The following WIPF3 variants were observed in gnomAD, a reference collection of about 807,000 sequenced individuals.
WIPF3 encodes the protein WAS/WASL interacting protein family member 3.
A neutral mutation model predicts 38.9 loss-of-function variants in WIPF3; 33 were observed. The observed-to-expected ratio is 0.85, with a 90% CI of 0.64 to 1.14. The LOEUF (loss-of-function observed/expected upper bound fraction) is 1.14. WIPF3 is among the 50% of genes most tolerant of loss of function. The pLI is 0.00. For synonymous variants in WIPF3, 324 were observed against 269.3 expected, an observed-to-expected ratio of 1.20 and a Z score of -1.99; for missense variants, 711 against 652.5, an observed-to-expected ratio of 1.09 and a Z score of -0.98.
At chr7:29,808,291 G>T (rs1460440201) in intron 1 of WIPF3, among the ~76,000 whole-genome samples, 1 of 152,226 alleles carries the variant, frequency 6.6e-6, no homozygotes, top group Non-Finnish European at 1.5e-5. Flanking sequence ...AAGAAGTGGC[G>T]AGGAGGGGCA....
intron 7 of WIPF3, among the ~76,000 whole-genome samples, chr7:29,900,129 A>T (rs1658162772): frequency 6.6e-6 from 1 of 151,886 alleles, no homozygotes; most frequent in Non-Finnish European, 1.5e-5. Context: ...GTAGAGATGC[A>T]GTTTTGCCAT....
chr7:29,907,939 A>G (rs1679673531), intron 8 of WIPF3, among the ~76,000 whole-genome samples: 1 of 152,236 alleles, frequency 6.6e-6, no homozygotes, highest in Non-Finnish European at 1.5e-5. Context: ...AACAGAAAAG[A>G]AAGGGTATGA....
intron 2 of WIPF3, among the ~76,000 whole-genome samples, chr7:29,869,220 G>A (rs1405637923): frequency 6.6e-6 from 1 of 152,086 alleles, no homozygotes; most frequent in African/African-American, 2.4e-5. Context: ...TAGAGACGGG[G>A]TTTCTCCATG....
intron 2 of WIPF3, among the ~76,000 whole-genome samples, chr7:29,840,470 C>T (rs896491205): frequency 1.3e-5 from 2 of 152,152 alleles, no homozygotes; most frequent in African/African-American, 4.8e-5. Context: ...AAAAATTTGA[C>T]TGGGGTCTAT....
At chr7:29,888,869 C>G (rs372456219) in intron 6 of WIPF3, among the ~76,000 whole-genome samples, 52 of 152,304 alleles carry the variant, frequency 3.4e-4, no homozygotes, top group Admixed American at 3.9e-4. Context: ...CCTCCATTCC[C>G]CAGTCATTCT....
intron 2 of WIPF3, among the ~76,000 whole-genome samples, chr7:29,869,681 C>T (rs1241017631): frequency 6.6e-6 from 1 of 152,188 alleles, no homozygotes; most frequent in Non-Finnish European, 1.5e-5. Context: ...TCTTTCTATT[C>T]TTCCCATCCC....
intron 2 of WIPF3, among the ~76,000 whole-genome samples, chr7:29,842,858 AT>A (rs1365020604): frequency 6.6e-6 from 1 of 152,192 alleles, no homozygotes; most frequent in African/African-American, 2.4e-5. Flanking sequence ...CTGCTGGTTC[AT>A]TTGGAATAAT....
intron 2 of WIPF3, among the ~76,000 whole-genome samples, chr7:29,850,961 CT>C (rs1461005504): frequency 6.6e-6 from 1 of 152,196 alleles, no homozygotes; most frequent in Non-Finnish European, 1.5e-5. Flanking sequence ...AAGGAATTCA[CT>C]GCAATGATGC....
chr7:29,905,621 G>A (rs1458627691), intron 8 of WIPF3: 2 of 151,756 alleles, frequency 1.3e-5, no homozygotes, highest in African/African-American at 2.4e-5. Flanking sequence ...AGGAGCCAAG[G>A]TGGGCACAAA....
In WIPF3 at chr7:29,884,188, C is replaced by G. The variant is rs772187658; in HGVS notation, c.694C>G (p.Pro232Ala). The change falls in exon 5 of 9, where the codon CCA (proline) becomes GCA (alanine). Residue 232 changes from proline (P) to alanine (A), a missense_variant. Coordinates refer to ENST00000242140, the MANE Select transcript of WIPF3 (RefSeq NM_001080529.3). ...APPPPPPPPP[P>A]TPPPLPPASV... is the part of the protein sequence containing the mutation. The stretch of plus-strand genomic sequence containing the variant: ...ACCACCTCCACCTCCGCCACCTCCC[C>G]CAACGCCACCCCCGCTGCCCCCGGC... The G allele has an allele frequency of 1.0e-4, 155 of 1,524,186 alleles. No homozygotes were observed. The highest frequency in any genetic ancestry group is 1.7e-5 in the Non-Finnish European group (19 of 1,131,402). 94.4% of individuals were successfully genotyped at this position (1,524,186 alleles called of 1,614,324 possible).
At chr7:29,841,156 T>C (rs1045381215) in intron 2 of WIPF3, among the ~76,000 whole-genome samples, 1 of 152,176 alleles carries the variant, frequency 6.6e-6, no homozygotes, top group Non-Finnish European at 1.5e-5. Context: ...GGTTTTATTA[T>C]ATGTAATCTT....
chr7:29,861,133 T>C (rs1583607330), intron 2 of WIPF3, among the ~76,000 whole-genome samples: 1 of 152,150 alleles, frequency 6.6e-6, no homozygotes, highest in Non-Finnish European at 1.5e-5. Flanking sequence ...TCTAGGTGTT[T>C]CAGCTCATTC....
intron 2 of WIPF3, among the ~76,000 whole-genome samples, chr7:29,874,559 C>T (rs566884219): frequency 5.9e-5 from 9 of 152,264 alleles, no homozygotes; most frequent in East Asian, 3.9e-4. Flanking sequence ...ATGGTATCCC[C>T]GTACAGTAGG....
intron 1 of WIPF3, 136 bp from the exon 2 acceptor site, chr7:29,834,532 T>A: frequency 1.2e-6 from 1 of 847,290 alleles, no homozygotes; most frequent in East Asian, 4.1e-5. Flanking sequence ...TGTGAATAAA[T>A]GAATGAACAA....
chr7:29,903,064 G>A (rs867668874), intron 7 of WIPF3, among the ~76,000 whole-genome samples: 1 of 152,110 alleles, frequency 6.6e-6, no homozygotes, highest in Non-Finnish European at 1.5e-5. Flanking sequence ...AGGCAAAGGC[G>A]GGAGGATCAC....
At chr7:29,910,525 C>T (rs774820212) in intron 8 of WIPF3, among the ~76,000 whole-genome samples, 1 of 152,154 alleles carries the variant, frequency 6.6e-6, no homozygotes, top group Non-Finnish European at 1.5e-5. Flanking sequence ...CAATAAAATA[C>T]TAGCAAATCA....
rs28600196 is a variant in WIPF3 at position 29,873,690 on chromosome 7, T to C, written c.91-2140T>C. Reference sequence around the variant, plus strand: ...GAATCAGGATTGAGGCTCCTTGCTCTCCACTTTCTTGTTGACCATCATTCA... The same window carrying C: ...GAATCAGGATTGAGGCTCCTTGCTCCCCACTTTCTTGTTGACCATCATTCA... On this transcript the variant is annotated intron_variant, in intron 2 of 8. Coordinates refer to ENST00000242140, the MANE Select transcript of WIPF3 (RefSeq NM_001080529.3). Among the ~76,000 whole-genome samples, 30 of 152,148 alleles carry C rather than the reference T, an allele frequency of 2.0e-4. No homozygotes were observed. The East Asian group carries it at 5.4e-3, about 27-fold the overall frequency.
At chr7:29,869,021 C>G (rs115582411) in intron 2 of WIPF3, among the ~76,000 whole-genome samples, 4 of 151,968 alleles carry the variant, frequency 2.6e-5, no homozygotes, top group African/African-American at 9.7e-5. Flanking sequence ...TACTTCATCC[C>G]CACTCTTTTT....
intron 2 of WIPF3, among the ~76,000 whole-genome samples, chr7:29,842,855 T>C (rs1476764938): frequency 6.6e-6 from 1 of 152,128 alleles, no homozygotes; most frequent in Non-Finnish European, 1.5e-5. Context: ...TGTCTGCTGG[T>C]TCATTTGGAA....
Sources: gnomAD v4.1 joint callset for allele counts (sites outside exome capture counted in the v4.1 genomes callset) on GRCh38, gnomAD v4.1.1 for gene constraint, MANE v1.5 for transcripts, NCBI Gene and HGNC (gene_info 2026-07-23, HGNC 2026-07-21) for gene names.